The following GRID2 variants were observed in gnomAD, a reference collection of about 807,000 sequenced individuals.
GRID2 encodes the protein glutamate ionotropic receptor delta type subunit 2.
A neutral mutation model predicts 114.8 loss-of-function variants in GRID2; 33 were observed. The observed-to-expected ratio is 0.29, with a 90% CI of 0.22 to 0.38. The LOEUF is 0.38. GRID2 is among the 10% of genes least tolerant of loss of function. The probability of loss-of-function intolerance (pLI) is 1.00; values close to 1 mark genes in which losing one functional copy is unlikely to be tolerated. For missense variants in GRID2, 1,184 were observed against 1,257.7 expected (o/e 0.94, Z 0.89); for synonymous variants, 505 against 449.9 (o/e 1.12, Z -1.55).
At chr4:93,565,476 G>A (rs1363558283) in intron 13 of GRID2, among the ~76,000 whole-genome samples, 1 of 152,070 alleles carries the variant, frequency 6.6e-6, no homozygotes, top group Non-Finnish European at 1.5e-5. Context: ...ATGGACAGAA[G>A]TTTAAATTTT....
At chr4:92,920,254 A>G (rs111475885) in intron 2 of GRID2, among the ~76,000 whole-genome samples, 2,249 of 152,130 alleles carry the variant, frequency 0.015, 21 homozygotes, top group East Asian at 0.053. Flanking sequence ...TGCACGTGAG[A>G]TAGGTTTCCT....
chr4:92,854,135 G>A (rs916286853), intron 2 of GRID2, among the ~76,000 whole-genome samples: 3 of 151,804 alleles, frequency 2.0e-5, no homozygotes, highest in Non-Finnish European at 4.4e-5. Context: ...AATACAAGGG[G>A]TGGTCTGGGC....
intron 1 of GRID2, among the ~76,000 whole-genome samples, chr4:92,425,205 C>A (rs528957264): frequency 2.0e-5 from 3 of 151,938 alleles, no homozygotes; most frequent in Non-Finnish European, 4.4e-5. Flanking sequence ...TAGACGACAG[C>A]AAATACAACC....
intron 2 of GRID2, among the ~76,000 whole-genome samples, chr4:93,033,822 A>G (rs1397315686): frequency 6.6e-6 from 1 of 152,132 alleles, no homozygotes; most frequent in African/African-American, 2.4e-5. Context: ...TGTTCACCAC[A>G]TTGTCCCCAC....
intron 1 of GRID2, among the ~76,000 whole-genome samples, chr4:92,455,409 T>A (rs1051440062): frequency 6.6e-6 from 1 of 152,122 alleles, no homozygotes; most frequent in Non-Finnish European, 1.5e-5. Context: ...GTATCAATTA[T>A]GTGAATTACA....
intron 2 of GRID2, among the ~76,000 whole-genome samples, chr4:92,899,274 A>G (rs1267186007): frequency 6.6e-6 from 1 of 151,396 alleles, no homozygotes; most frequent in Non-Finnish European, 1.5e-5. Context: ...TTTTCCCTTT[A>G]TTTGCTTGTT....
chr4:92,942,607 T>C (rs1751245277), intron 2 of GRID2, among the ~76,000 whole-genome samples: 1 of 152,218 alleles, frequency 6.6e-6, no homozygotes, highest in South Asian at 2.1e-4. Context: ...TTTGATCCTG[T>C]CATTATGATG....
chr4:92,392,849 T>A (rs1730314423), intron 1 of GRID2, among the ~76,000 whole-genome samples: 2 of 152,206 alleles, frequency 1.3e-5, no homozygotes, highest in Non-Finnish European at 2.9e-5. Flanking sequence ...CTGAAAACGG[T>A]GTGTTTTGGT....
chr4:92,739,784 A>C (rs1458273487), intron 2 of GRID2, among the ~76,000 whole-genome samples: 1 of 152,150 alleles, frequency 6.6e-6, no homozygotes, highest in Non-Finnish European at 1.5e-5. Context: ...AGTGTTTCTG[A>C]TTCTTCCTCT....
chr4:93,746,750 A>G (rs1731872117), intron 14 of GRID2, among the ~76,000 whole-genome samples: 1 of 152,116 alleles, frequency 6.6e-6, no homozygotes, highest in East Asian at 1.9e-4. Flanking sequence ...TTCTTTTAAG[A>G]GATTTCCTGT....
rs139617844 is a variant in GRID2, at chr4:92,890,702, C to G, written c.245-194293C>G. Among the ~76,000 whole-genome samples the G allele has an allele frequency of 1.2e-3, 179 of 152,206 alleles. 3 individuals carry two copies. In the East Asian group the frequency reaches 0.026, roughly 22 times the overall value. ...AGTTCAACCGTTGTGGAAGATAGTG[C>G]AGTGATTCCTCAAGGATATAGAACC... On this transcript the variant is annotated intron_variant, in intron 2 of 15. Transcript: ENST00000282020.
chr4:93,794,104 G>C (rs1734749269), intron 1 of GRID2, among the ~76,000 whole-genome samples: 1 of 151,866 alleles, frequency 6.6e-6, no homozygotes, highest in Admixed American at 6.6e-5. Flanking sequence ...AGTATAATTT[G>C]TTTCCATTGT....
chr4:92,704,219 A>G (rs1382050744), intron 2 of GRID2, among the ~76,000 whole-genome samples: 3 of 152,170 alleles, frequency 2.0e-5, no homozygotes, highest in East Asian at 1.9e-4. Flanking sequence ...CGGAGCTTGC[A>G]GTGAGCCGAG....
chr4:93,282,001 A>G (rs1467211776), intron 8 of GRID2, among the ~76,000 whole-genome samples: 1 of 152,090 alleles, frequency 6.6e-6, no homozygotes, highest in East Asian at 1.9e-4. Flanking sequence ...GAATAATAGA[A>G]CAAAATATAT....
Position 93,081,010 on chromosome 4 carries a change from A to G in GRID2, c.245-3985A>G, listed in dbSNP as rs149626662. On this transcript the variant is annotated intron_variant, in intron 2 of 15. Coordinates refer to ENST00000282020, the MANE Select transcript of GRID2 (RefSeq NM_001510.4). ...TATAATAGCATTAATTCATTCAGAA[A>G]GGTAGTGCCCCCATGACCCAAACAC... is the stretch of plus-strand genomic sequence containing the variant. 1.7e-3 allele frequency among the ~76,000 whole-genome samples: 258 copies of G among 152,292 alleles called. 1 individual carries two copies. The highest frequency in any genetic ancestry group is 5.9e-3 in the African/African-American group (245 of 41,580).
At chr4:92,449,550 T>C (rs1410665753) in intron 1 of GRID2, among the ~76,000 whole-genome samples, 2 of 151,202 alleles carry the variant, frequency 1.3e-5, no homozygotes, top group African/African-American at 4.8e-5. Context: ...TGATCATTTG[T>C]ATACACTCTT....
At chr4:93,748,012 C>T (rs1416889383) in intron 14 of GRID2, among the ~76,000 whole-genome samples, 1 of 151,816 alleles carries the variant, frequency 6.6e-6, no homozygotes, top group Non-Finnish European at 1.5e-5. Flanking sequence ...TAATAAATGC[C>T]CTTGGATATA....
chr4:92,941,191 C>T (rs1465180440), intron 2 of GRID2, among the ~76,000 whole-genome samples: 16 of 152,192 alleles, frequency 1.1e-4, no homozygotes, highest in Admixed American at 1.0e-3. Context: ...GTGAATCCCT[C>T]TGGTCCTGGA....
intron 2 of GRID2, among the ~76,000 whole-genome samples, chr4:92,943,041 A>C (rs1017761929): frequency 2.6e-5 from 4 of 152,014 alleles, no homozygotes; most frequent in Non-Finnish European, 5.9e-5. Flanking sequence ...TCTGACAATT[A>C]TGTGTCTTGG....
Sources: allele counts gnomAD v4.1 joint callset (sites outside exome capture counted in the v4.1 genomes callset), GRCh38; gene constraint gnomAD v4.1.1; transcripts MANE v1.5; gene names NCBI Gene and HGNC (gene_info 2026-07-23, HGNC 2026-07-21).